The following AGBL1 variants were observed in gnomAD, a reference collection of about 807,000 sequenced individuals.
The protein encoded by AGBL1 is AGBL carboxypeptidase 1, also known as cytosolic carboxypeptidase 4.
Under a neutral mutation model 118.9 loss-of-function variants are expected in AGBL1, and 130 were observed. That is an observed-to-expected ratio of 1.09 (90% confidence interval 0.95 to 1.26). The LOEUF is 1.26. Among genes scored for constraint, AGBL1 ranks in the 50% most tolerant of loss-of-function variants. AGBL1 has a pLI of 0.00. For synonymous variants in AGBL1, 555 were observed against 478.9 expected, an observed-to-expected ratio of 1.16 and a Z score of -2.08; for missense variants, 1,584 against 1,298.1, an observed-to-expected ratio of 1.22 and a Z score of -3.38.
intron 22 of AGBL1, among the ~76,000 whole-genome samples, chr15:86,774,086 G>A (rs1288132391): frequency 6.6e-6 from 1 of 152,042 alleles, no homozygotes; most frequent in Non-Finnish European, 1.5e-5. Flanking sequence ...CAGTAACCAA[G>A]ACCATCTGCA....
chr15:86,563,476 G>A (rs2083861958), intron 21 of AGBL1, among the ~76,000 whole-genome samples: 1 of 152,052 alleles, frequency 6.6e-6, no homozygotes, highest in African/African-American at 2.4e-5. Context: ...TTAATCCTGA[G>A]TTCTTGTTTG....
chr15:86,092,969 G>C (rs1465380259), intron 1 of AGBL1, among the ~76,000 whole-genome samples: 1 of 152,094 alleles, frequency 6.6e-6, no homozygotes, highest in Admixed American at 6.6e-5. Flanking sequence ...TCTAACACAT[G>C]GTTTTTGGGA....
chr15:86,837,787 A>G (rs764498920), intron 22 of AGBL1, among the ~76,000 whole-genome samples: 7 of 152,218 alleles, frequency 4.6e-5, no homozygotes, highest in Non-Finnish European at 8.8e-5. Context: ...AGAGAAGACT[A>G]CATTTCAGTG....
At chr15:86,653,168 C>G (rs913718800) in intron 21 of AGBL1, among the ~76,000 whole-genome samples, 37 of 151,898 alleles carry the variant, frequency 2.4e-4, no homozygotes, top group Non-Finnish European at 4.3e-4. Context: ...AAATGCAAAC[C>G]AAAATGAGTT....
At chr15:86,471,278 C>T (rs988520306) in intron 18 of AGBL1, among the ~76,000 whole-genome samples, 5 of 152,058 alleles carry the variant, frequency 3.3e-5, no homozygotes, top group Non-Finnish European at 5.9e-5. Flanking sequence ...TTGTCAAATG[C>T]TTTTTCTGCA....
At chr15:86,489,578 G>A (rs540611915) in intron 18 of AGBL1, among the ~76,000 whole-genome samples, 17 of 152,096 alleles carry the variant, frequency 1.1e-4, no homozygotes, top group Non-Finnish European at 2.5e-4. Flanking sequence ...TCTATATCAG[G>A]GGTCAGTAAA....
chr15:86,869,328 C>T (rs2079685577), intron 22 of AGBL1, among the ~76,000 whole-genome samples: 1 of 152,142 alleles, frequency 6.6e-6, no homozygotes, highest in African/African-American at 2.4e-5. Flanking sequence ...CAGCTGCTCC[C>T]ACCCACCACA....
Position 86,151,458 on chromosome 15 carries a change from G to A in AGBL1, c.263-2972G>A, listed in dbSNP as rs145320805. Among the ~76,000 whole-genome samples, 552 of 152,128 alleles carry A rather than the reference G, an allele frequency of 3.6e-3. 7 individuals carry two copies. The highest frequency in any genetic ancestry group is 0.014 in the Middle Eastern group (4 of 294). ...GATTATCTCAATAGATGCAGAAAAG[G>A]CCTTCAACAAAATTCAGCCCTTCAT... On this transcript the variant is annotated intron_variant, in intron 3 of 22. Coordinates refer to ENST00000614907, the MANE Select transcript of AGBL1 (RefSeq NM_001386094.1).
chr15:86,980,458 T>C (rs1308001992), intron 23 of AGBL1, among the ~76,000 whole-genome samples: 1 of 152,174 alleles, frequency 6.6e-6, no homozygotes, highest in East Asian at 1.9e-4. Flanking sequence ...CAGTGGAAAA[T>C]GGCTCAGCGA....
Position 86,639,956 on chromosome 15 carries a change from C to A in AGBL1, c.2995-34317C>A, listed in dbSNP as rs548812364. ...TATTTCCCAACAGCATATGTGGGACCGAGGTTTGCTGAATGGATGGTGTGT... is the reference window on the plus strand; with the variant it reads ...TATTTCCCAACAGCATATGTGGGACAGAGGTTTGCTGAATGGATGGTGTGT... On this transcript the variant is annotated intron_variant, in intron 21 of 22. Transcript: ENST00000614907. 1.8e-3 allele frequency among the ~76,000 whole-genome samples: 268 copies of A among 152,170 alleles called. 1 individual carries two copies. The highest frequency in any genetic ancestry group is 6.3e-3 in the African/African-American group (262 of 41,508).
chr15:86,817,817 G>T (rs2347239), intron 22 of AGBL1, among the ~76,000 whole-genome samples: 13,817 of 152,056 alleles, frequency 0.091, 683 homozygotes, highest in South Asian at 0.14. Flanking sequence ...TGTTACTCAA[G>T]ATCTTAGTTA....
At chr15:86,658,958 G>A (rs1349475795) in intron 21 of AGBL1, among the ~76,000 whole-genome samples, 1 of 152,166 alleles carries the variant, frequency 6.6e-6, no homozygotes, top group African/African-American at 2.4e-5. Context: ...TATAGTAACG[G>A]TCCCTTCATT....
intron 22 of AGBL1, among the ~76,000 whole-genome samples, chr15:86,874,889 C>G (rs1222185102): frequency 6.6e-6 from 1 of 152,074 alleles, no homozygotes; most frequent in Non-Finnish European, 1.5e-5. Context: ...AGCAGTCCAA[C>G]AGTTCAAAAA....
At chr15:86,936,265 T>A (rs1279432410) in intron 23 of AGBL1, among the ~76,000 whole-genome samples, 4 of 151,870 alleles carry the variant, frequency 2.6e-5, no homozygotes, top group African/African-American at 9.7e-5. Context: ...TGTGTGTGTG[T>A]GTGACAGAGA....
rs533386719 is a variant in AGBL1, at chr15:86,298,309, A to G, written c.2374+2901A>G. ...AACTATATATATATGGTAGCTATAT[A>G]TATATAGGTAACTATATATATGGTA... On this transcript the variant is annotated intron_variant, in intron 17 of 22. Coordinates refer to ENST00000614907, the MANE Select transcript of AGBL1 (RefSeq NM_001386094.1). Among the ~76,000 whole-genome samples the G allele has an allele frequency of 2.4e-5, 3 of 126,764 alleles. No homozygotes were observed. The East Asian group carries it at 6.1e-4, about 26-fold the overall frequency. 83.2% of individuals were successfully genotyped at this position (126,764 alleles called of 152,430 possible). A position where few individuals can be genotyped will look rare whatever the true frequency, so the allele number is the denominator to read the frequency against.
At chr15:86,861,495 A>G (rs2079558372) in intron 22 of AGBL1, among the ~76,000 whole-genome samples, 1 of 152,228 alleles carries the variant, frequency 6.6e-6, no homozygotes, top group Non-Finnish European at 1.5e-5. Context: ...TATTCCGACT[A>G]CAGGGAGCTA....
Position 86,914,089 on chromosome 15 carries a change from G to A in AGBL1, c.*6795G>A, listed in dbSNP as rs1387140696. ...CTGAGTGTAGCCCTGGTCTTGAAGGGCAGGGCAAGACATGGCATTGAGTTC... is the reference window on the plus strand; with the variant it reads ...CTGAGTGTAGCCCTGGTCTTGAAGGACAGGGCAAGACATGGCATTGAGTTC... On this transcript the variant is annotated 3_prime_UTR_variant, in exon 23 of 23. Coordinates refer to ENST00000614907, the MANE Select transcript of AGBL1 (RefSeq NM_001386094.1). 2 of 152,200 alleles carry A rather than the reference G, an allele frequency of 1.3e-5. No homozygotes were observed. The highest frequency in any genetic ancestry group is 3.9e-4 in the East Asian group (2 of 5,192). 9.4% of individuals were successfully genotyped at this position (152,200 alleles called of 1,614,324 possible). A position where few individuals can be genotyped will look rare whatever the true frequency, so the allele number is the denominator to read the frequency against.
At chr15:86,364,998 C>CACACACGCAT (rs1555472717) in intron 17 of AGBL1, among the ~76,000 whole-genome samples, 82 of 121,164 alleles carry the variant, frequency 6.8e-4, no homozygotes, top group African/African-American at 2.6e-3. Flanking sequence ...TACACACACA[C>CACACACGCAT]ATATATATAT....
chr15:86,149,476 T>A (rs1468538236), intron 3 of AGBL1, among the ~76,000 whole-genome samples: 2 of 152,070 alleles, frequency 1.3e-5, no homozygotes, highest in Non-Finnish European at 2.9e-5. Flanking sequence ...GGGGTTGCAG[T>A]CCTAGTCTCC....
Sources: allele counts gnomAD v4.1 joint callset (sites outside exome capture counted in the v4.1 genomes callset), GRCh38; gene constraint gnomAD v4.1.1; transcripts MANE v1.5; gene names NCBI Gene and HGNC (gene_info 2026-07-23, HGNC 2026-07-21).